The following ABCA7 variants were observed in gnomAD, a reference collection of about 807,000 sequenced individuals.
ABCA7 encodes phospholipid-transporting ATPase ABCA7.
In ABCA7, 261 loss-of-function variants were observed where a neutral mutation model predicts 227.6. The observed-to-expected ratio is 1.15, with a 90% CI of 1.04 to 1.27. The LOEUF (loss-of-function observed/expected upper bound fraction) is 1.27, where lower values mean the gene tolerates loss of function less well. Among genes scored for constraint, ABCA7 ranks in the 50% most tolerant of loss-of-function variants. The pLI, the probability that ABCA7 is intolerant of heterozygous loss-of-function variation, is 0.00. For missense variants in ABCA7, 3,331 were observed against 2,924.5 expected (o/e 1.14, Z -3.21); for synonymous variants, 1,488 against 1,279.7 (o/e 1.16, Z -3.47).
intron 34 of ABCA7, 67 bp downstream of exon 34, chr19:1,057,151 T>C (rs971410845): frequency 4.1e-5 from 64 of 1,564,934 alleles, no homozygotes; most frequent in Middle Eastern, 3.6e-4. Context: ...TGGCCCCTTG[T>C]AGGCAGGGGC....
chr19:1,044,238 C>CTTTTT lies in ABCA7; in HGVS notation c.1048-318_1048-314dup, dbSNP rs4147941. On this transcript the variant is annotated intron_variant, in intron 10 of 46. Transcript: ENST00000263094. ...TACAGGCGTGAACTACCACGTCCTG[C>CTTTTT]TTTTTTTTTTTTTTTTTTTTTTTTT... Among the ~76,000 whole-genome samples, 19 of 69,670 alleles carry CTTTTT rather than the reference C, an allele frequency of 2.7e-4. 2 individuals are homozygous for CTTTTT. Among genetic ancestry groups the CTTTTT allele is most frequent in the African/African-American group, 1.3e-3 (19 of 14,688 alleles). 45.7% of individuals were successfully genotyped at this position (69,670 alleles called of 152,430 possible).
At position 1,051,573 on chromosome 19, in the gene ABCA7, C is replaced by G. The variant is rs1241181907; in HGVS notation, c.2949C>G (p.Leu983=). 1.9e-6 allele frequency: 3 copies of G among 1,611,896 alleles called. No individual in the cohort carries two copies. The highest frequency in any genetic ancestry group is 2.2e-5 in the South Asian group (2 of 91,048). ...ASRRGIWELL[L]KYREGRTLIL... ...GCCGCGGTATTTGGGAGCTGCTGCT[C>G]AAATACCGAGAAGGTAAGAGCTGGG... Residue 983 remains leucine (L), a synonymous_variant, in exon 21 of 47, where the codon CTC becomes CTG. Coordinates refer to ENST00000263094, the MANE Select transcript of ABCA7 (RefSeq NM_019112.4).
intron 3 of ABCA7, 39 bp downstream of exon 3, chr19:1,041,642 G>C: frequency 6.2e-7 from 1 of 1,600,900 alleles, no homozygotes; most frequent in African/African-American, 1.3e-5. Context: ...GTGTGTGTAG[G>C]GGAAGGCAGA....
Position 1,043,031 on chromosome 19 carries a change from C to T in ABCA7, c.580-10C>T, listed in dbSNP as rs368348101. On this transcript the variant is annotated splice_polypyrimidine_tract_variant and intron_variant, in intron 7 of 46. Transcript: ENST00000263094. ...ATCATTGCCAGCTCCGTCTGGTAAC[C>T]TCTCTCTAGCTCCTGGCGCTGCGCA... 3.7e-5 allele frequency: 59 copies of T among 1,589,742 alleles called. No homozygotes were observed. Among genetic ancestry groups the T allele is most frequent in the Middle Eastern group, 1.8e-4 (1 of 5,658 alleles).
At position 1,052,286 on chromosome 19, in the gene ABCA7, G is replaced by C. The variant is rs769611040; in HGVS notation, c.3220G>C (p.Gly1074Arg). 1.3e-6 allele frequency: 2 copies of C among 1,538,590 alleles called. No homozygotes were observed. The highest frequency in any genetic ancestry group is 4.9e-5 in the East Asian group (2 of 40,608). The change falls in exon 23 of 47, where the codon GGC becomes CGC. Residue 1074 changes from glycine to arginine, a missense_variant and splice_region_variant. Physicochemically the swap from Gly to Arg is moderately radical, Grantham distance 125. Coordinates refer to ENST00000263094, the MANE Select transcript of ABCA7 (RefSeq NM_019112.4). ...KKNGSQGSRV[G>R]TPQLLALVQH... The stretch of plus-strand genomic sequence containing the variant: ...GAATGGCAGCCAGGGCAGCAGAGTC[G>C]GTGAGGGCCGGGGTGGGAGACCCAA...
Position 1,049,475 on chromosome 19 carries a change from ACTC to A in ABCA7, c.2552+40_2552+42del, listed in dbSNP as rs763217738. On this transcript the variant is annotated intron_variant, in intron 18 of 46. Coordinates refer to ENST00000263094, the MANE Select transcript of ABCA7 (RefSeq NM_019112.4). ...CCACTCCCTCCCCGTGAGCCCCCCCACTCCCACCCCGTGAGCCCCCCCACCACT... is the reference window on the plus strand; with the variant it reads ...CCACTCCCTCCCCGTGAGCCCCCCCACCACCCCGTGAGCCCCCCCACCACT... The A allele has an allele frequency of 1.8e-4, 72 of 391,882 alleles. 1 individual carries two copies. The highest frequency in any genetic ancestry group is 4.8e-4 in the Admixed American group (2 of 4,186). 24.3% of individuals were successfully genotyped at this position (391,882 alleles called of 1,614,324 possible).
At chr19:1,062,893 C>T (rs1330155357) in intron 42 of ABCA7, among the ~76,000 whole-genome samples, 20 of 150,732 alleles carry the variant, frequency 1.3e-4, no homozygotes, top group African/African-American at 4.9e-4. Context: ...CTCATGCTGG[C>T]TCCACCCACA....
intron 30 of ABCA7, 41 bp from the exon 31 acceptor site, chr19:1,055,866 A>C (rs750167284): frequency 1.3e-6 from 2 of 1,535,172 alleles, no homozygotes; most frequent in South Asian, 1.3e-5. Context: ...TCTCTGTCCC[A>C]CATCCCTGTC....
At chr19:1,060,092 G>A (rs900264248) in intron 40 of ABCA7, among the ~76,000 whole-genome samples, 1 of 152,046 alleles carries the variant, frequency 6.6e-6, no homozygotes, top group African/African-American at 2.4e-5. Flanking sequence ...TCACATTCAA[G>A]CACCTACTAT....
chr19:1,055,822 C>G, intron 30 of ABCA7, 85 bp from the exon 31 acceptor site: 3 of 1,396,586 alleles, frequency 2.1e-6, no homozygotes, highest in Non-Finnish European at 2.9e-6. Flanking sequence ...TTTTTGTCCA[C>G]CCTTGACTCT....
At position 1,046,525 on chromosome 19, in the gene ABCA7, C is replaced by T. The variant is rs2040686983; in HGVS notation, c.1622+119C>T. On this transcript the variant is annotated intron_variant, in intron 13 of 46. Transcript: ENST00000263094. ...CCAGGCTGCGAACTTTGCACCTTTA[C>T]ACCACTCCACGTGACCTGCTGCAGC... 11 of 1,369,942 alleles carry T rather than the reference C, an allele frequency of 8.0e-6. No homozygotes were observed. The South Asian group carries it at 1.1e-4, about 14-fold the overall frequency. The allele number at this position is 1,369,942 out of a possible 1,614,324, so 84.9% of individuals were successfully genotyped here.
Position 1,065,158 on chromosome 19 carries a change from C to T in ABCA7, c.6272C>T (p.Thr2091Met). 6.3e-7 allele frequency: 1 copy of T among 1,592,842 alleles called. No homozygotes were observed. The highest frequency in any genetic ancestry group is 1.3e-5 in the African/African-American group (1 of 74,594). Residue 2091 changes from threonine to methionine, a missense_variant, in exon 46 of 47, where the codon ACG (threonine) becomes ATG (methionine). Transcript: ENST00000263094. Reference sequence around the variant, plus strand: ...GTGGAGGACTTTTCCGTGAGCCAGACGATGCTGGAGGAGGTGATCACGGCG... The same window carrying T: ...GTGGAGGACTTTTCCGTGAGCCAGATGATGCTGGAGGAGGTGATCACGGCG... ...HGVEDFSVSQ[T>M]MLEEVFLYFS...
intron 45 of ABCA7, chr19:1,064,521 G>T (rs1020673704): frequency 1.9e-6 from 1 of 525,266 alleles, no homozygotes; most frequent in Non-Finnish European, 3.3e-6. Flanking sequence ...GCAGCCTGGA[G>T]AGGTGAGGGT....
Position 1,054,342 on chromosome 19 carries a change from G to A in ABCA7, c.3726+1G>A, listed in dbSNP as rs781719649. On this transcript the variant is annotated splice_donor_variant, in intron 27 of 46. Coordinates refer to ENST00000263094, the MANE Select transcript of ABCA7 (RefSeq NM_019112.4). LOFTEE classifies it high-confidence loss of function. This position sits in a 1 kb window ranked among gnomAD's most constrained non-coding sequence, Gnocchi z 4.8. ...CAGCCGCCGCGGCCTGTTCGCCCAG[G>A]TGAGGAGGGCTAGCACCAGGGAGTC... The A allele has an allele frequency of 2.1e-5, 34 of 1,594,132 alleles. No individual in the cohort carries two copies. In the South Asian group the frequency reaches 3.7e-4, roughly 17 times the overall value.
chr19:1,063,367 C>T (rs574446190), intron 42 of ABCA7, among the ~76,000 whole-genome samples, 177 bp from the exon 43 acceptor site: 2 of 148,186 alleles, frequency 1.3e-5, no homozygotes, highest in Non-Finnish European at 3.0e-5. Flanking sequence ...CCACCCACAC[C>T]ATGGCCCCGC....
Position 1,057,053 on chromosome 19 carries a change from T to G in ABCA7, c.4733T>G (p.Leu1578Arg). 6.2e-7 allele frequency: 1 copy of G among 1,613,426 alleles called. No homozygotes were observed. The highest frequency in any genetic ancestry group is 8.5e-7 in the Non-Finnish European group (1 of 1,179,884). ...LQLMGGLSPT[L>R]YWLGNFLWDM... ...CTCATGGGGGGCCTGTCCCCCACCC[T>G]CTACTGGCTTGGCAACTTTCTCTGG... is the stretch of plus-strand genomic sequence containing the variant. The change falls in exon 34 of 47, where the codon CTC becomes CGC. Residue 1578 changes from leucine (L) to arginine (R), a missense_variant. Physicochemically the swap from Leu to Arg is moderately radical, Grantham distance 102. Transcript: ENST00000263094.
At position 1,056,439 on chromosome 19, in the gene ABCA7, G is replaced by T. The variant is rs777467160; in HGVS notation, c.4526G>T (p.Ser1509Ile). The change falls in exon 33 of 47, where the codon AGC becomes ATC. Residue 1509 changes from serine (S) to isoleucine (I), a missense_variant. Physicochemically the swap from Ser to Ile is moderately radical, Grantham distance 142. Transcript: ENST00000263094. The surrounding 1 kb of genome is among the most constrained non-coding windows in gnomAD (Gnocchi z 4.3). ...CCAGGCCCGGCCCGCCACGCCCACAGCATCACCACACTCAACCACCCCTTG... is the reference window on the plus strand; with the variant it reads ...CCAGGCCCGGCCCGCCACGCCCACATCATCACCACACTCAACCACCCCTTG... ...LPPGPARHAH[S>I]ITTLNHPLNL... The T allele has an allele frequency of 6.2e-7, 1 of 1,613,616 alleles. No individual in the cohort carries two copies. The highest frequency in any genetic ancestry group is 2.2e-5 in the East Asian group (1 of 44,880).
Position 1,054,224 on chromosome 19 carries a change from T to C in ABCA7, c.3609T>C (p.Ser1203=). Reference sequence around the variant, plus strand: ...CAGCCCCAGAGACTGACCAGGGCTCTGGGCCAGACGCCGTGGGCCGGGTAC... The same window carrying C: ...CAGCCCCAGAGACTGACCAGGGCTCCGGGCCAGACGCCGTGGGCCGGGTAC... ...AGSAPETDQG[S]GPDAVGRVQG... The change falls in exon 27 of 47, where the codon TCT becomes TCC. Residue 1203 remains serine (S), a synonymous_variant. Transcript: ENST00000263094. The surrounding 1 kb of genome is among the most constrained non-coding windows in gnomAD (Gnocchi z 4.8). 1 of 1,608,456 alleles carries C rather than the reference T, an allele frequency of 6.2e-7. No homozygotes were observed. Among genetic ancestry groups the C allele is most frequent in the Non-Finnish European group, 8.5e-7 (1 of 1,177,102 alleles).
chr19:1,043,399 C>T lies in ABCA7; in HGVS notation c.856C>T (p.Arg286Cys), dbSNP rs753037139. Residue 286 changes from arginine to cysteine, a missense_variant, in exon 9 of 47, where the codon CGC becomes TGC. Physicochemically the swap from Arg to Cys is radical, Grantham distance 180. Coordinates refer to ENST00000263094, the MANE Select transcript of ABCA7 (RefSeq NM_019112.4). ...SHPLSRLLWR[R>C]LKPLILGKLL... The stretch of plus-strand genomic sequence containing the variant: ...CCCGCTGTCCCGCCTGCTCTGGAGA[C>T]GCCTGAAGCCTCTGATCCTCGGGAA... The T allele has an allele frequency of 1.5e-5, 24 of 1,613,108 alleles. No homozygotes were observed. The Admixed American group carries it at 2.5e-4, about 17-fold the overall frequency.
Sources: allele counts gnomAD v4.1 joint callset (sites outside exome capture counted in the v4.1 genomes callset), GRCh38; gene constraint gnomAD v4.1.1; non-coding constraint Gnocchi (gnomAD v3.1); transcripts MANE v1.5; gene names NCBI Gene and HGNC (gene_info 2026-07-23, HGNC 2026-07-21).